ROBO2: variants seen among roughly 807,000 people sequenced by gnomAD.
ROBO2 encodes roundabout guidance receptor 2, also known as roundabout homolog 2.
Under a neutral mutation model 160.8 loss-of-function variants are expected in ROBO2, and 53 were observed. The observed-to-expected ratio is 0.33, with a 90% CI of 0.26 to 0.41. The LOEUF (loss-of-function observed/expected upper bound fraction) is 0.41. ROBO2 is among the 10% of genes least tolerant of loss of function. The pLI, the probability that ROBO2 is intolerant of heterozygous loss-of-function variation, is 1.00. For synonymous variants in ROBO2, 664 were observed against 611.7 expected (o/e 1.09, Z -1.26); for missense variants, 1,577 against 1,722.4 (o/e 0.92, Z 1.49).
intron 2 of ROBO2, among the ~76,000 whole-genome samples, chr3:76,995,574 A>C (rs977560829): frequency 9.2e-5 from 14 of 152,286 alleles, no homozygotes; most frequent in South Asian, 4.1e-4. Context: ...CCAACAGTGT[A>C]AAAGTGTTCC....
At chr3:77,471,296 G>A (rs1428221249) in intron 2 of ROBO2, among the ~76,000 whole-genome samples, 2 of 152,200 alleles carry the variant, frequency 1.3e-5, no homozygotes, top group African/African-American at 4.8e-5. Context: ...AGGGTTTGGG[G>A]TGGGAAAGGA....
chr3:76,275,116 C>T (rs762969981), intron 2 of ROBO2, among the ~76,000 whole-genome samples: 7 of 152,074 alleles, frequency 4.6e-5, no homozygotes, highest in African/African-American at 7.2e-5. Flanking sequence ...ACAATAATTG[C>T]GCCGTGCAAG....
At chr3:76,402,167 C>A (rs544235113) in intron 2 of ROBO2, among the ~76,000 whole-genome samples, 166 of 151,266 alleles carry the variant, frequency 1.1e-3, no homozygotes, top group Non-Finnish European at 2.1e-3. Context: ...TTTCTGTTTG[C>A]CTAAAATTTT....
intron 2 of ROBO2, among the ~76,000 whole-genome samples, chr3:77,306,227 T>C (rs2063081699): frequency 6.6e-6 from 1 of 152,234 alleles, no homozygotes; most frequent in South Asian, 2.1e-4. Flanking sequence ...ATAATCCTAT[T>C]TAAAAATTTT....
intron 2 of ROBO2, among the ~76,000 whole-genome samples, chr3:76,181,771 G>C (rs1323438567): frequency 6.6e-6 from 1 of 151,826 alleles, no homozygotes; most frequent in East Asian, 1.9e-4. Flanking sequence ...CCAATCATGA[G>C]ATGTTTGACC....
chr3:76,740,579 A>T (rs932457315), intron 2 of ROBO2, among the ~76,000 whole-genome samples: 1 of 152,160 alleles, frequency 6.6e-6, no homozygotes, highest in Non-Finnish European at 1.5e-5. Context: ...GCATATTTAC[A>T]TGCATAAAAA....
intron 2 of ROBO2, among the ~76,000 whole-genome samples, chr3:76,824,852 C>T (rs62261808): frequency 0.13 from 19,104 of 152,110 alleles, 1,325 homozygotes; most frequent in East Asian, 0.24. Flanking sequence ...ATTCAGACTT[C>T]GTTGGAGAAG....
chr3:77,183,202 C>T (rs1235858176), intron 2 of ROBO2, among the ~76,000 whole-genome samples: 1 of 152,048 alleles, frequency 6.6e-6, no homozygotes, highest in East Asian at 1.9e-4. Context: ...TTTCCTTTAT[C>T]TTCTCCCCCA....
At chr3:76,627,477 T>A (rs1038362703) in intron 2 of ROBO2, among the ~76,000 whole-genome samples, 2 of 152,228 alleles carry the variant, frequency 1.3e-5, no homozygotes, top group African/African-American at 4.8e-5. Flanking sequence ...GGCTTTAGCA[T>A]GCAGATGATG....
At chr3:77,306,523 A>C (rs1224079884) in intron 2 of ROBO2, among the ~76,000 whole-genome samples, 1 of 152,196 alleles carries the variant, frequency 6.6e-6, no homozygotes, top group Non-Finnish European at 1.5e-5. Context: ...CTTCTCTTAA[A>C]ATAAACACAC....
chr3:77,434,836 C>CTT (rs1560823497), intron 2 of ROBO2, among the ~76,000 whole-genome samples: 1 of 152,014 alleles, frequency 6.6e-6, no homozygotes, highest in Non-Finnish European at 1.5e-5. Context: ...ACTGGATACC[C>CTT]TTTTATTTTA....
intron 2 of ROBO2, among the ~76,000 whole-genome samples, chr3:76,639,687 T>G (rs965680422): frequency 2.0e-5 from 3 of 152,078 alleles, no homozygotes; most frequent in Non-Finnish European, 2.9e-5. Flanking sequence ...AGAGAATGAA[T>G]AGTGAAGACA....
intron 2 of ROBO2, among the ~76,000 whole-genome samples, chr3:77,103,744 T>A (rs973284522): frequency 2.6e-4 from 40 of 152,218 alleles, no homozygotes; most frequent in African/African-American, 8.4e-4. Context: ...TATGGAACAC[T>A]GTCCAAACAT....
chr3:77,177,291 A>T (rs911445932), intron 2 of ROBO2, among the ~76,000 whole-genome samples: 1 of 151,934 alleles, frequency 6.6e-6, no homozygotes, highest in Non-Finnish European at 1.5e-5. Context: ...TGGTTCTGAG[A>T]GCCTCTCTGC....
At chr3:76,082,904 G>T (rs1344988022) in intron 2 of ROBO2, among the ~76,000 whole-genome samples, 3 of 151,976 alleles carry the variant, frequency 2.0e-5, no homozygotes, top group Non-Finnish European at 4.4e-5. Flanking sequence ...TGAAGACCCG[G>T]ACCAAGGCGA....
chr3:77,596,735 A>T, exon 19 of ROBO2: 1 of 1,613,476 alleles, frequency 6.2e-7, no homozygotes, highest in Non-Finnish European at 8.5e-7. Flanking sequence ...TGAGATTGGA[A>T]ATTTTGGCCG....
At chr3:76,123,534 G>A (rs1192975932) in intron 2 of ROBO2, among the ~76,000 whole-genome samples, 1 of 151,892 alleles carries the variant, frequency 6.6e-6, no homozygotes, top group African/African-American at 2.4e-5. Context: ...ATAACAAACT[G>A]GTTAACTGGT....
intron 2 of ROBO2, among the ~76,000 whole-genome samples, chr3:77,409,727 A>C (rs1188640481): frequency 6.6e-6 from 1 of 152,148 alleles, no homozygotes; most frequent in Non-Finnish European, 1.5e-5. Context: ...GGTTTCAAGT[A>C]GCATTAAAAA....
At chr3:77,143,174 C>A (rs928697955) in intron 2 of ROBO2, among the ~76,000 whole-genome samples, 3 of 59,684 alleles carry the variant, frequency 5.0e-5, no homozygotes, top group Non-Finnish European at 3.0e-5. Context: ...TAAACAGCAG[C>A]TTTTTTTTTT....
Sources: allele counts gnomAD v4.1 joint callset (sites outside exome capture counted in the v4.1 genomes callset), GRCh38; gene constraint gnomAD v4.1.1; transcripts MANE v1.5; gene names NCBI Gene and HGNC (gene_info 2026-07-23, HGNC 2026-07-21).